Variants in KAZN observed in about 807,000 individuals in gnomAD.
KAZN encodes the protein kazrin.
Under a neutral mutation model 87.4 loss-of-function variants are expected in KAZN, and 40 were observed. The ratio of observed to expected loss-of-function variants is 0.46; its 90% CI spans 0.36 to 0.60. The LOEUF (loss-of-function observed/expected upper bound fraction) is 0.60. Among genes scored for constraint, KAZN ranks in the 20% least tolerant of loss-of-function variants. The pLI, the probability that KAZN is intolerant of heterozygous loss-of-function variation, is 0.00. For missense variants in KAZN, 898 were observed against 1,073.9 expected (o/e 0.84, Z 2.29); for synonymous variants, 466 against 458.3 (o/e 1.02, Z -0.22).
intron 1 of KAZN, among the ~76,000 whole-genome samples, chr1:14,779,283 A>C (rs61772276): frequency 0.09 from 13,765 of 152,232 alleles, 767 homozygotes; most frequent in Middle Eastern, 0.16. Context: ...GGCAAACTAG[A>C]GACCACAGAA....
intron 1 of KAZN, among the ~76,000 whole-genome samples, chr1:14,711,055 T>C (rs1642459617): frequency 6.6e-6 from 1 of 151,988 alleles, no homozygotes; most frequent in African/African-American, 2.4e-5. Context: ...TAGCTGGGCA[T>C]GGTGGTGTGT....
chr1:13,937,234 G>C (rs2100956767), intron 1 of KAZN, among the ~76,000 whole-genome samples: 1 of 152,196 alleles, frequency 6.6e-6, no homozygotes, highest in South Asian at 2.1e-4. Flanking sequence ...TTTTAGTAGA[G>C]ATGGGGTCAC....
chr1:14,661,986 G>T (rs1050974697), intron 1 of KAZN, among the ~76,000 whole-genome samples: 7 of 152,290 alleles, frequency 4.6e-5, no homozygotes, highest in African/African-American at 1.4e-4. Context: ...TCTGTTAGCC[G>T]TGTGATCTTG....
intron 1 of KAZN, among the ~76,000 whole-genome samples, chr1:14,124,533 C>G (rs114809746): frequency 7.2e-5 from 11 of 152,312 alleles, no homozygotes; most frequent in Admixed American, 7.2e-4. Flanking sequence ...TCACCATCCT[C>G]GGCACAGAAT....
At chr1:14,868,552 C>A (rs1011418066) in intron 1 of KAZN, among the ~76,000 whole-genome samples, 1 of 151,978 alleles carries the variant, frequency 6.6e-6, no homozygotes, top group Non-Finnish European at 1.5e-5. Context: ...GAATGTCTAA[C>A]CATTACCACT....
chr1:14,399,013 A>C (rs1663146368), intron 2 of KAZN, among the ~76,000 whole-genome samples: 1 of 151,918 alleles, frequency 6.6e-6, no homozygotes, highest in Non-Finnish European at 1.5e-5. Flanking sequence ...CTGGACAAAG[A>C]AATTTTGGAG....
chr1:14,666,100 A>G (rs1270043260), intron 1 of KAZN, among the ~76,000 whole-genome samples: 1 of 151,994 alleles, frequency 6.6e-6, no homozygotes, highest in Non-Finnish European at 1.5e-5. Flanking sequence ...CAATATCTAT[A>G]ATGACGGAGA....
At chr1:14,596,308 G>GCACA (rs56758780), upstream of KAZN, among the ~76,000 whole-genome samples, 81 of 150,302 alleles carry the variant, frequency 5.4e-4, 1 homozygote, top group South Asian at 1.1e-3. Flanking sequence ...ACACGTGTGC[G>GCACA]CACACACACA....
At chr1:14,512,368 C>G (rs537431255) in intron 2 of KAZN, among the ~76,000 whole-genome samples, 11 of 152,186 alleles carry the variant, frequency 7.2e-5, no homozygotes, top group African/African-American at 2.6e-4. Flanking sequence ...TGTTTGGCAG[C>G]ACCCCTGGCC....
At chr1:14,201,754 C>T (rs1286199601) in intron 2 of KAZN, among the ~76,000 whole-genome samples, 4 of 152,192 alleles carry the variant, frequency 2.6e-5, no homozygotes, top group South Asian at 4.1e-4. Flanking sequence ...CTGCAACCTC[C>T]GCATCCCAGG....
At chr1:14,765,884 C>T (rs1644870506) in intron 1 of KAZN, among the ~76,000 whole-genome samples, 1 of 152,110 alleles carries the variant, frequency 6.6e-6, no homozygotes, top group Non-Finnish European at 1.5e-5. Flanking sequence ...TCTGGGTGAC[C>T]CGCTGATGAC....
chr1:14,421,273 T>C (rs6665391), intron 2 of KAZN, among the ~76,000 whole-genome samples: 80,562 of 152,040 alleles, frequency 0.53, 21,912 homozygotes, highest in African/African-American at 0.61. Context: ...GGTTCTTGAA[T>C]AGTAGAGCAT....
At chr1:14,851,315 G>A (rs1180444685) in intron 1 of KAZN, among the ~76,000 whole-genome samples, 1 of 152,208 alleles carries the variant, frequency 6.6e-6, no homozygotes, top group Non-Finnish European at 1.5e-5. Context: ...TGTAAAGCCA[G>A]CATGCCCTTC....
chr1:14,847,300 G>A (rs534995562), intron 1 of KAZN, among the ~76,000 whole-genome samples: 1 of 152,294 alleles, frequency 6.6e-6, no homozygotes, highest in South Asian at 2.1e-4. Flanking sequence ...GTGGCCACAA[G>A]CTCAGGGGCG....
At chr1:14,309,552 G>A (rs917735956) in intron 2 of KAZN, among the ~76,000 whole-genome samples, 2 of 152,104 alleles carry the variant, frequency 1.3e-5, no homozygotes, top group Non-Finnish European at 2.9e-5. Context: ...ACTGAAGATG[G>A]CATTAATTGA....
At chr1:13,914,156 A>G (rs529573012) in intron 1 of KAZN, among the ~76,000 whole-genome samples, 1 of 152,360 alleles carries the variant, frequency 6.6e-6, no homozygotes, top group East Asian at 1.9e-4. Flanking sequence ...TAGTCAGGGT[A>G]CTAAATTTGA....
intron 1 of KAZN, among the ~76,000 whole-genome samples, chr1:14,749,283 C>G (rs1644347655): frequency 6.6e-6 from 1 of 152,142 alleles, no homozygotes; most frequent in African/African-American, 2.4e-5. Context: ...ATTTGATGTT[C>G]CAGGTGGAAA....
chr1:14,027,987 G>A, intron 1 of KAZN, among the ~76,000 whole-genome samples: 1 of 152,142 alleles, frequency 6.6e-6, no homozygotes, highest in Middle Eastern at 3.2e-3. Context: ...TCTTTGTAGA[G>A]ATGGTGGGAA....
intron 1 of KAZN, among the ~76,000 whole-genome samples, chr1:14,864,341 G>A (rs1425185049): frequency 6.6e-6 from 1 of 152,190 alleles, no homozygotes; most frequent in Non-Finnish European, 1.5e-5. Flanking sequence ...AAGGCGGGCG[G>A]ATCACATGGT....
Sources: gnomAD v4.1 joint callset for allele counts (sites outside exome capture counted in the v4.1 genomes callset) on GRCh38, gnomAD v4.1.1 for gene constraint, MANE v1.5 for transcripts, NCBI Gene and HGNC (gene_info 2026-07-23, HGNC 2026-07-21) for gene names.